CA2: variants seen among roughly 807,000 people sequenced by gnomAD.
CA2 encodes carbonate dehydratase II.
A neutral mutation model predicts 27.8 loss-of-function variants in CA2; 23 were observed. The observed-to-expected ratio is 0.83, with a 90% CI of 0.59 to 1.17. The LOEUF (loss-of-function observed/expected upper bound fraction) is 1.17. Among genes scored for constraint, CA2 ranks in the 50% most tolerant of loss-of-function variants. The pLI, the probability that CA2 is intolerant of heterozygous loss-of-function variation, is 0.00. For synonymous variants in CA2, 99 were observed against 114.9 expected (o/e 0.86, Z 0.88); for missense variants, 300 against 314.7 (o/e 0.95, Z 0.35).
intron 1 of CA2, 167 bp downstream of exon 1, chr8:85,464,282 C>G: frequency 1.9e-6 from 1 of 512,972 alleles, no homozygotes; most frequent in Non-Finnish European, 3.3e-6. Context: ...TCGCTCCGCT[C>G]GCGGCTCCGC....
chr8:85,466,896 C>A (rs1811639682), intron 2 of CA2, among the ~76,000 whole-genome samples: 1 of 149,176 alleles, frequency 6.7e-6, no homozygotes, highest in South Asian at 2.2e-4. Context: ...ATATTTATAA[C>A]AAGACAAGGC....
chr8:85,474,273 C>G, intron 3 of CA2, 51 bp from the exon 4 acceptor site: 1 of 1,279,728 alleles, frequency 7.8e-7, no homozygotes, highest in Non-Finnish European at 1.1e-6. Context: ...TAAAATCTGT[C>G]AGCTTTGATT....
At chr8:85,467,089 A>G (rs1430829591) in intron 2 of CA2, among the ~76,000 whole-genome samples, 1 of 152,218 alleles carries the variant, frequency 6.6e-6, no homozygotes, top group Non-Finnish European at 1.5e-5. Context: ...TGGATGCTAC[A>G]TAGAAATTGG....
At chr8:85,467,563 ACTTTTT>A (rs1293583897) in intron 2 of CA2, among the ~76,000 whole-genome samples, 1 of 152,096 alleles carries the variant, frequency 6.6e-6, no homozygotes, top group Non-Finnish European at 1.5e-5. Context: ...TTCTGAATAA[ACTTTTT>A]CTTTAACAGC....
At chr8:85,478,307 A>G (rs533246763) in intron 6 of CA2, among the ~76,000 whole-genome samples, 2 of 152,256 alleles carry the variant, frequency 1.3e-5, no homozygotes, top group Non-Finnish European at 2.9e-5. Context: ...CTGGAAAATT[A>G]CTTGTAGCAT....
chr8:85,470,502 G>A (rs914561110), intron 2 of CA2, among the ~76,000 whole-genome samples: 1 of 152,006 alleles, frequency 6.6e-6, no homozygotes, highest in African/African-American at 2.4e-5. Flanking sequence ...ACGGTCTTTA[G>A]TCTGTTACTC....
chr8:85,478,689 G>C (rs565396863), intron 6 of CA2, among the ~76,000 whole-genome samples: 5 of 152,244 alleles, frequency 3.3e-5, no homozygotes, highest in Admixed American at 1.3e-4. Flanking sequence ...GATGTTAATT[G>C]TATATATTGG....
intron 6 of CA2, among the ~76,000 whole-genome samples, chr8:85,479,568 G>C (rs1032856134): frequency 6.6e-6 from 1 of 152,014 alleles, no homozygotes; most frequent in African/African-American, 2.4e-5. Context: ...TTAGAGGGGG[G>C]AAAGTAGCAC....
At chr8:85,480,423 A>ATT in intron 6 of CA2, among the ~76,000 whole-genome samples, 1 of 141,578 alleles carries the variant, frequency 7.1e-6, no homozygotes, top group African/African-American at 2.8e-5. Flanking sequence ...CGCCTGTTTA[A>ATT]TTTTTGTGTG....
chr8:85,475,670 G>T, intron 4 of CA2, 128 bp from the exon 5 acceptor site: 1 of 785,944 alleles, frequency 1.3e-6, no homozygotes, highest in Non-Finnish European at 2.2e-6. Context: ...ACTGATGGGG[G>T]TCATGTATGA....
chr8:85,465,375 CCTGT>C lies in CA2; in HGVS notation c.143_146del (p.Ser48PhefsTer9), dbSNP rs1564077060. ...CCAAGTATGACCCTTCCCTGAAGCC[CCTGT>C]CTGTTTCCTATGATCAAGCAACTTC... On this transcript the variant is annotated frameshift_variant, in exon 2 of 7. Transcript: ENST00000285379. LOFTEE classifies it high-confidence loss of function. 6 of 1,614,174 alleles carry C rather than the reference CCTGT, an allele frequency of 3.7e-6. No individual in the cohort carries two copies. Among genetic ancestry groups the C allele is most frequent in the Non-Finnish European group, 5.1e-6 (6 of 1,179,996 alleles).
intron 2 of CA2, 171 bp from the exon 3 acceptor site, chr8:85,473,522 T>C: frequency 1.5e-6 from 1 of 688,168 alleles, no homozygotes; most frequent in South Asian, 1.5e-5. Context: ...GATTGAATTT[T>C]CAGAGTAAAA....
intron 1 of CA2, chr8:85,464,956 C>T: frequency 3.4e-6 from 1 of 295,978 alleles, no homozygotes; most frequent in Non-Finnish European, 6.5e-6. Context: ...AGTGTCTGCC[C>T]GATTTCAGTT....
intron 3 of CA2, 44 bp from the exon 4 acceptor site, chr8:85,474,280 G>A (rs747901645): frequency 2.0e-5 from 27 of 1,352,334 alleles, no homozygotes; most frequent in Non-Finnish European, 2.9e-5. Context: ...TGTCAGCTTT[G>A]ATTATGTAAA....
At chr8:85,468,702 G>A (rs1811666578) in intron 2 of CA2, among the ~76,000 whole-genome samples, 1 of 152,146 alleles carries the variant, frequency 6.6e-6, no homozygotes, top group East Asian at 1.9e-4. Flanking sequence ...GGAGGTCGCA[G>A]TGAGCCGAGA....
chr8:85,472,786 T>C (rs1237788941), intron 2 of CA2, among the ~76,000 whole-genome samples: 5 of 151,550 alleles, frequency 3.3e-5, no homozygotes, highest in Non-Finnish European at 7.4e-5. Flanking sequence ...AGCTCAGGAG[T>C]TCCAGACCAG....
At chr8:85,470,860 C>T (rs545813559) in intron 2 of CA2, among the ~76,000 whole-genome samples, 1 of 151,872 alleles carries the variant, frequency 6.6e-6, no homozygotes, top group Admixed American at 6.6e-5. Flanking sequence ...ATTTATGTCT[C>T]CATCCCTCAC....
rs146361079 is a variant in CA2 at position 85,471,770 on chromosome 8, A to G, written c.233-1923A>G. ...GTATTAATTTATTTCATAAACATATATTTAATTTTTATATATTATTATGAA... is the reference window on the plus strand; with the variant it reads ...GTATTAATTTATTTCATAAACATATGTTTAATTTTTATATATTATTATGAA... On this transcript the variant is annotated intron_variant, in intron 2 of 6. Transcript: ENST00000285379. Among the ~76,000 whole-genome samples, 1,443 of 151,998 alleles carry G rather than the reference A, an allele frequency of 9.5e-3. 11 individuals carry two copies. The highest frequency in any genetic ancestry group is 0.047 in the East Asian group (241 of 5,180).
Position 85,465,476 on chromosome 8 carries a change from G to C in CA2, c.232+7G>C. 2 of 1,611,040 alleles carry C rather than the reference G, an allele frequency of 1.2e-6. No individual in the cohort carries two copies. The highest frequency in any genetic ancestry group is 1.7e-6 in the Non-Finnish European group (2 of 1,177,972). On this transcript the variant is annotated splice_region_variant and intron_variant, in intron 2 of 6. Transcript: ENST00000285379. ...GACTCTCAGGACAAAGCAGGTCAGT[G>C]TTTAGAAAATAACTTGTGTCTTTTA...
Sources: gnomAD v4.1 joint callset for allele counts (sites outside exome capture counted in the v4.1 genomes callset) on GRCh38, gnomAD v4.1.1 for gene constraint, MANE v1.5 for transcripts, NCBI Gene and HGNC (gene_info 2026-07-23, HGNC 2026-07-21) for gene names.